Variants in BOD1L1 observed in about 807,000 individuals in gnomAD.
BOD1L1 encodes biorientation of chromosomes in cell division protein 1-like 1.
Under a neutral mutation model 240.7 loss-of-function variants are expected in BOD1L1, and 86 were observed. The ratio of observed to expected loss-of-function variants is 0.36; its 90% CI spans 0.30 to 0.43. BOD1L1 has a LOEUF of 0.43. Among genes scored for constraint, BOD1L1 ranks in the 20% least tolerant of loss-of-function variants. The pLI is 1.00. For synonymous variants in BOD1L1, 1,268 were observed against 1,272.3 expected (o/e 1.00, Z 0.07); for missense variants, 3,554 against 3,643.5 (o/e 0.98, Z 0.63).
rs568454455 is a variant in BOD1L1 at position 13,617,454 on chromosome 4, T to C, written c.369-1952A>G. Among the ~76,000 whole-genome samples the C allele has an allele frequency of 3.9e-5, 6 of 152,242 alleles. No homozygotes were observed. The East Asian group carries it at 1.2e-3, about 29-fold the overall frequency. On this transcript the variant is annotated intron_variant, in intron 2 of 25. Transcript: ENST00000040738. ...AAATGGAGTCCAGTACCAATGATCA[T>C]ACTGCACTTAGCGGCCATAACTGCC... is the stretch of plus-strand genomic sequence containing the variant.
rs1715218627 is a variant in BOD1L1 at position 13,601,953 on chromosome 4, T to A, written c.4947A>T (p.Glu1649Asp). Residue 1649 changes from glutamate to aspartate, a missense_variant, in exon 10 of 26, where the codon GAA (glutamate) becomes GAT (aspartate). Physicochemically the swap from Glu to Asp is conservative, Grantham distance 45 (BLOSUM62 2). Transcript: ENST00000040738. ...EANVNSVVTE[E>D]KDDAVTSAGS... ...CTGCACTGGTTACAGCATCATCCTTTTCCTCTGTCACAACGCTATTTACAT... is the reference window on the plus strand; with the variant it reads ...CTGCACTGGTTACAGCATCATCCTTATCCTCTGTCACAACGCTATTTACAT... 8.1e-6 allele frequency: 13 copies of A among 1,614,020 alleles called. No individual in the cohort carries two copies. Among genetic ancestry groups the A allele is most frequent in the African/African-American group, 1.3e-5 (1 of 75,062 alleles).
rs921398556 is a variant in BOD1L1 at position 13,613,273 on chromosome 4, A to T, written c.1324+239T>A. Among the ~76,000 whole-genome samples the T allele has an allele frequency of 6.6e-6, 1 of 152,198 alleles. No homozygotes were observed. Among genetic ancestry groups the T allele is most frequent in the African/African-American group, 2.4e-5 (1 of 41,430 alleles). ...TTTATCTCCTCTAAATTTTAAATTA[A>T]TAATAATACTAGGGGATAGAGTTAA... On this transcript the variant is annotated intron_variant, in intron 5 of 25. Transcript: ENST00000040738. This position sits in a 1 kb window ranked among gnomAD's most constrained non-coding sequence, Gnocchi z 4.0.
chr4:13,583,735 CA>C (rs767360028), intron 17 of BOD1L1, among the ~76,000 whole-genome samples: 3 of 152,188 alleles, frequency 2.0e-5, no homozygotes, highest in Non-Finnish European at 2.9e-5. Context: ...ATCTGCATTA[CA>C]AATATTATCT....
rs373873288 is a variant in BOD1L1, at chr4:13,600,642, G to T, written c.6258C>A (p.Ser2086Arg). 3 of 1,613,786 alleles carry T rather than the reference G, an allele frequency of 1.9e-6. No individual in the cohort carries two copies. Among genetic ancestry groups the T allele is most frequent in the Non-Finnish European group, 2.5e-6 (3 of 1,179,838 alleles). ...STTNDYTPQV[S>R]AITDVEGGLS... is the part of the protein sequence containing the mutation. ...GACCTCCTTCCACATCTGTAATTGC[G>T]CTTACCTGAGGGGTGTAATCATTTG... is the stretch of plus-strand genomic sequence containing the variant. Residue 2086 changes from serine (S) to arginine (R), a missense_variant, in exon 10 of 26, where the codon AGC (serine) becomes AGA (arginine). Physicochemically the swap from Ser to Arg is moderately radical, Grantham distance 110 (BLOSUM62 -1). Coordinates refer to ENST00000040738, the MANE Select transcript of BOD1L1 (RefSeq NM_148894.3).
intron 17 of BOD1L1, among the ~76,000 whole-genome samples, chr4:13,585,956 T>A (rs1207213776): frequency 6.6e-6 from 1 of 152,190 alleles, no homozygotes; most frequent in Non-Finnish European, 1.5e-5. Context: ...CTTTATAAAT[T>A]ACCCAGTCTC....
chr4:13,601,228 TCTC>T lies in BOD1L1; in HGVS notation c.5669_5671del (p.Gly1890del). The stretch of plus-strand genomic sequence containing the variant: ...ACAAATCAAGACCCCTTCACTTTCT[TCTC>T]CTAACCCTGTACAAGTTGAAGCATG... On this transcript the variant is annotated inframe_deletion, in exon 10 of 26. Coordinates refer to ENST00000040738, the MANE Select transcript of BOD1L1 (RefSeq NM_148894.3). The T allele has an allele frequency of 6.2e-7, 1 of 1,613,952 alleles. No individual in the cohort carries two copies.
chr4:13,588,645 C>T, intron 15 of BOD1L1, 77 bp downstream of exon 15: 1 of 1,084,876 alleles, frequency 9.2e-7, no homozygotes, highest in Non-Finnish European at 1.3e-6. Flanking sequence ...GAAATAAAGC[C>T]TTTCTAAAGC....
chr4:13,589,286 C>A (rs1419331409), intron 14 of BOD1L1, among the ~76,000 whole-genome samples: 1 of 152,194 alleles, frequency 6.6e-6, no homozygotes, highest in African/African-American at 2.4e-5. Context: ...TATAACTGAG[C>A]AATTCCATAC....
chr4:13,593,866 G>A (rs1714408062), intron 12 of BOD1L1, among the ~76,000 whole-genome samples: 1 of 152,172 alleles, frequency 6.6e-6, no homozygotes, highest in South Asian at 2.1e-4. Flanking sequence ...GGAATACCAT[G>A]TGGATCCAGG....
intron 25 of BOD1L1, chr4:13,572,783 A>G (rs1712323715): frequency 7.8e-7 from 1 of 1,289,638 alleles, no homozygotes; most frequent in Non-Finnish European, 1.0e-6. Context: ...TCTAGGAGAA[A>G]CTGTGTCTGG....
chr4:13,609,264 A>G (rs1489520915), intron 7 of BOD1L1, 31 bp downstream of exon 7: 2 of 1,255,086 alleles, frequency 1.6e-6, no homozygotes, highest in East Asian at 2.8e-5. Flanking sequence ...TATATGAGAT[A>G]GTTTAAAATA....
At chr4:13,625,003 C>A (rs1717287922) in intron 1 of BOD1L1, 1 of 152,166 alleles carries the variant, frequency 6.6e-6, no homozygotes, top group South Asian at 2.1e-4. Flanking sequence ...AGCCACCGGG[C>A]CTGGCCATAC....
chr4:13,607,386 G>A (rs1439531186), intron 8 of BOD1L1, among the ~76,000 whole-genome samples, 197 bp from the exon 9 acceptor site: 6 of 151,986 alleles, frequency 3.9e-5, no homozygotes, highest in Non-Finnish European at 5.9e-5. Context: ...TGCAATCTCC[G>A]CTCCTGAGTT....
intron 12 of BOD1L1, among the ~76,000 whole-genome samples, chr4:13,594,158 G>A (rs1340897894): frequency 3.9e-5 from 6 of 151,988 alleles, no homozygotes; most frequent in African/African-American, 1.5e-4. Context: ...AGTTTTGTGA[G>A]CTAATAAAGT....
At chr4:13,625,367 G>A (rs1402123602) in intron 1 of BOD1L1, 2 of 152,168 alleles carry the variant, frequency 1.3e-5, no homozygotes, top group African/African-American at 4.8e-5. Flanking sequence ...TTTTTCTTGA[G>A]AGAAGGTCCT....
intron 8 of BOD1L1, among the ~76,000 whole-genome samples, chr4:13,607,449 C>G (rs61795289): frequency 0.012 from 1,781 of 152,310 alleles, 22 homozygotes; most frequent in Middle Eastern, 0.041. Context: ...CAGGCATACG[C>G]CACAATGCCT....
chr4:13,614,675 C>T lies in BOD1L1; in HGVS notation c.695G>A (p.Arg232Lys). 1 of 1,613,908 alleles carries T rather than the reference C, an allele frequency of 6.2e-7. No homozygotes were observed. The highest frequency in any genetic ancestry group is 8.5e-7 in the Non-Finnish European group (1 of 1,179,864). Residue 232 changes from arginine to lysine, a missense_variant, in exon 4 of 26, where the codon AGA (arginine) becomes AAA (lysine). Around this residue, in one of 2 missense-constraint regions of BOD1L1, gnomAD observed 3,393 missense variants for 3,427.1 expected, o/e 0.99. Transcript: ENST00000040738. ...CTGAGATGGAAGTTTTTTTGACGCTCTCTCACTGGTCTTGGCATTTGATGT... is the reference window on the plus strand; with the variant it reads ...CTGAGATGGAAGTTTTTTTGACGCTTTCTCACTGGTCTTGGCATTTGATGT... ...TETSNAKTSE[R>K]ASKKLPSQPT...
At chr4:13,606,855 G>A (rs1232414866) in intron 9 of BOD1L1, among the ~76,000 whole-genome samples, 3 of 151,964 alleles carry the variant, frequency 2.0e-5, no homozygotes, top group African/African-American at 7.3e-5. Flanking sequence ...GTCATTACTG[G>A]CATTTTTGTT....
At position 13,600,106 on chromosome 4, in the gene BOD1L1, TCA is replaced by T; in HGVS notation, c.6792_6793del (p.Cys2264Ter). 6.2e-7 allele frequency: 1 copy of T among 1,613,910 alleles called. No individual in the cohort carries two copies. The highest frequency in any genetic ancestry group is 8.5e-7 in the Non-Finnish European group (1 of 1,179,860). On this transcript the variant is annotated stop_gained and frameshift_variant, in exon 10 of 26. Coordinates refer to ENST00000040738, the MANE Select transcript of BOD1L1 (RefSeq NM_148894.3). LOFTEE classifies it high-confidence loss of function. ...AGGGACAGCACTGGACACTGGGCCC[TCA>T]CAGTCTTCCACCGAGCTCGTAGAGA...
Sources: gnomAD v4.1 joint callset for allele counts (sites outside exome capture counted in the v4.1 genomes callset) on GRCh38, gnomAD v4.1.1 for gene constraint, gnomAD v4.1.1 regional missense constraint, Gnocchi (gnomAD v3.1) non-coding constraint, MANE v1.5 for transcripts, NCBI Gene and HGNC (gene_info 2026-07-23, HGNC 2026-07-21) for gene names.